PHEX: variants seen among roughly 807,000 people sequenced by gnomAD.
PHEX encodes phosphate regulating endopeptidase X-linked, also known as phosphate-regulating neutral endopeptidase PHEX.
A neutral mutation model predicts 68.0 loss-of-function variants in PHEX; 16 were observed. The ratio of observed to expected loss-of-function variants is 0.24; its 90% CI spans 0.16 to 0.36. PHEX has a LOEUF of 0.36. Among genes scored for constraint, PHEX ranks in the 10% least tolerant of loss-of-function variants. The pLI, the probability that PHEX is intolerant of heterozygous loss-of-function variation, is 1.00. For missense variants in PHEX, 480 were observed against 575.5 expected (o/e 0.83, Z 1.70); for synonymous variants, 208 against 205.1 (o/e 1.01, Z -0.12).
chrX:22,034,152 C>G (rs1406034940), intron 1 of PHEX, among the ~76,000 whole-genome samples: 1 of 111,972 alleles, frequency 8.9e-6, no homozygotes, highest in Admixed American at 9.5e-5. Flanking sequence ...ACTCCTGCAA[C>G]TGAATCTGTG....
At chrX:22,176,946 CAT>C (rs1170337763) in intron 13 of PHEX, among the ~76,000 whole-genome samples, 1 of 111,120 alleles carries the variant, frequency 9.0e-6, no homozygotes, top group African/African-American at 3.3e-5. Context: ...AATTTAAAGT[CAT>C]AGTGTTATAA....
chrX:22,242,533 C>T (rs891482793), intron 20 of PHEX, among the ~76,000 whole-genome samples: 2 of 111,674 alleles, frequency 1.8e-5, no homozygotes, highest in African/African-American at 3.3e-5. Context: ...AAAACCCCAT[C>T]GTCTCAGCCC....
At chrX:22,092,354 T>C (rs1929926692) in intron 6 of PHEX, among the ~76,000 whole-genome samples, 1 of 111,614 alleles carries the variant, frequency 9.0e-6, no homozygotes, top group Non-Finnish European at 1.9e-5. Flanking sequence ...TACATTTGAG[T>C]AGGTACTCAA....
intron 11 of PHEX, among the ~76,000 whole-genome samples, chrX:22,127,885 G>A (rs1358895343): frequency 1.8e-5 from 2 of 111,014 alleles, no homozygotes; most frequent in African/African-American, 6.6e-5. Flanking sequence ...GGAAGACAGA[G>A]GTGGTGGGGG....
intron 20 of PHEX, among the ~76,000 whole-genome samples, chrX:22,237,169 C>T (rs1425360988): frequency 8.9e-6 from 1 of 111,881 alleles, no homozygotes; most frequent in Non-Finnish European, 1.9e-5. Flanking sequence ...TTTCAGAAGT[C>T]TCTTAAGTGA....
chrX:22,043,312 T>G (rs1443492745), intron 2 of PHEX, among the ~76,000 whole-genome samples: 1 of 112,487 alleles, frequency 8.9e-6, no homozygotes, highest in African/African-American at 3.2e-5. Context: ...ATGGACTATT[T>G]GGTACCTACT....
chrX:22,213,767 A>G (rs1461667932), intron 16 of PHEX, among the ~76,000 whole-genome samples: 1 of 112,556 alleles, frequency 8.9e-6, no homozygotes, highest in African/African-American at 3.2e-5. Flanking sequence ...TGGTTTGGAT[A>G]TATGACAATT....
At chrX:22,220,214 C>T (rs996933704) in intron 17 of PHEX, among the ~76,000 whole-genome samples, 4 of 111,429 alleles carry the variant, frequency 3.6e-5, no homozygotes, top group Non-Finnish European at 7.5e-5. Context: ...CCTAAGGCAA[C>T]GTTATATAGA....
chrX:22,221,583 C>T, intron 17 of PHEX, 30 bp from the exon 18 acceptor site: 1 of 1,171,729 alleles, frequency 8.5e-7, no homozygotes, highest in Non-Finnish European at 1.2e-6. Context: ...ATAAATAACA[C>T]AAATGTCTTC....
chrX:22,145,819 A>C (rs1176573773), intron 12 of PHEX, among the ~76,000 whole-genome samples: 1 of 112,060 alleles, frequency 8.9e-6, no homozygotes, highest in Non-Finnish European at 1.9e-5. Flanking sequence ...TTCCCTCATC[A>C]ACCACTTGAT....
chrX:22,061,506 AG>A (rs1928362568), intron 3 of PHEX, among the ~76,000 whole-genome samples: 1 of 111,858 alleles, frequency 8.9e-6, no homozygotes, highest in Non-Finnish European at 1.9e-5. Context: ...AGATTAAAAA[AG>A]TTGTAAGAAT....
chrX:22,074,317 A>G lies in PHEX; in HGVS notation c.350-2071A>G, dbSNP rs138655858. Among the ~76,000 whole-genome samples the G allele has an allele frequency of 2.8e-3, 311 of 109,625 alleles. 1 individual carries two copies. The highest frequency in any genetic ancestry group is 2.7e-3 in the Non-Finnish European group (145 of 52,796). On this transcript the variant is annotated intron_variant, in intron 3 of 21. Coordinates refer to ENST00000379374, the MANE Select transcript of PHEX (RefSeq NM_000444.6). ...AAGGAAAGAAGAGAAGGAAAAGGGT[A>G]TGGCAAGGAACTTGTGATAGCCGAA...
chrX:22,130,430 T>C (rs1056318747), intron 11 of PHEX, among the ~76,000 whole-genome samples: 2 of 107,874 alleles, frequency 1.9e-5, no homozygotes, highest in African/African-American at 6.8e-5. Context: ...TGATCCCAGC[T>C]ACTTAGGAGG....
At chrX:22,041,672 C>T (rs1054582365) in intron 2 of PHEX, among the ~76,000 whole-genome samples, 5 of 110,379 alleles carry the variant, frequency 4.5e-5, no homozygotes, top group African/African-American at 1.7e-4. Context: ...ACTATCAGGA[C>T]AGGTTTTAGA....
chrX:22,160,965 C>G (rs1272692850), intron 12 of PHEX, among the ~76,000 whole-genome samples: 1 of 109,552 alleles, frequency 9.1e-6, no homozygotes, highest in Non-Finnish European at 1.9e-5. Flanking sequence ...GAAACTCCGT[C>G]TCTACTAAAA....
rs895141865 is a variant in PHEX, at chrX:22,249,833, G to C, written c.*1880G>C. ...ACTTGGGTGTTTAAAATCAGCTGAG[G>C]TTTATCATGCTTATATGAATAGTGT... On this transcript the variant is annotated 3_prime_UTR_variant, in exon 22 of 22. Transcript: ENST00000379374. 1 of 110,720 alleles carries C rather than the reference G, an allele frequency of 9.0e-6. No individual in the cohort carries two copies. Among genetic ancestry groups the C allele is most frequent in the Admixed American group, 9.7e-5 (1 of 10,324 alleles). The allele number at this position is 110,720 out of a possible 1,213,427, so 9.1% of individuals were successfully genotyped here.
intron 14 of PHEX, among the ~76,000 whole-genome samples, chrX:22,187,434 C>G (rs768153935): frequency 8.9e-6 from 1 of 111,861 alleles, no homozygotes; most frequent in Non-Finnish European, 1.9e-5. Flanking sequence ...TCCTCCTCTC[C>G]GACTTCCTCC....
intron 15 of PHEX, among the ~76,000 whole-genome samples, chrX:22,198,922 C>T (rs1018024599): frequency 4.5e-5 from 5 of 110,974 alleles, no homozygotes; most frequent in South Asian, 3.9e-4. Flanking sequence ...TGGCGGACGG[C>T]GAAGGAGCAG....
At chrX:22,056,836 A>G (rs1272745565) in intron 3 of PHEX, among the ~76,000 whole-genome samples, 2 of 108,646 alleles carry the variant, frequency 1.8e-5, no homozygotes, top group East Asian at 5.7e-4. Context: ...GGAAATTACA[A>G]TCTGCATCTT....
Sources: gnomAD v4.1 joint callset for allele counts (sites outside exome capture counted in the v4.1 genomes callset) on GRCh38, gnomAD v4.1.1 for gene constraint, MANE v1.5 for transcripts, NCBI Gene and HGNC (gene_info 2026-07-23, HGNC 2026-07-21) for gene names.